SYNE3: variants seen among roughly 807,000 people sequenced by gnomAD.
The protein encoded by SYNE3 is nesprin-3.
In SYNE3, 100 loss-of-function variants were observed where a neutral mutation model predicts 111.2. That is an observed-to-expected ratio of 0.90 (90% confidence interval 0.77 to 1.06). SYNE3 has a LOEUF of 1.06. SYNE3 is among the 50% of genes least tolerant of loss of function. The pLI is 0.00. For synonymous variants in SYNE3, 547 were observed against 533.9 expected (o/e 1.02, Z -0.34); for missense variants, 1,160 against 1,240.3 (o/e 0.94, Z 0.97).
At chr14:95,508,621 C>T (rs563953483) in intron 1 of SYNE3, among the ~76,000 whole-genome samples, 11 of 152,308 alleles carry the variant, frequency 7.2e-5, no homozygotes, top group African/African-American at 2.2e-4. Flanking sequence ...AATGCAGAGA[C>T]GGTGTGGCCG....
intron 17 of SYNE3, among the ~76,000 whole-genome samples, chr14:95,426,943 C>CAAAAAAAAA (rs574423106): frequency 9.5e-6 from 1 of 104,890 alleles, no homozygotes; most frequent in African/African-American, 4.5e-5. Context: ...GACTCCATCT[C>CAAAAAAAAA]AAAAAAAAAA....
intron 4 of SYNE3, among the ~76,000 whole-genome samples, chr14:95,458,863 C>T (rs1272316654): frequency 6.6e-6 from 1 of 152,216 alleles, no homozygotes; most frequent in African/African-American, 2.4e-5. Flanking sequence ...AAAAAGGAGA[C>T]TCATTTAATA....
At chr14:95,465,311 G>A (rs530292225) in intron 4 of SYNE3, among the ~76,000 whole-genome samples, 2 of 150,400 alleles carry the variant, frequency 1.3e-5, no homozygotes, top group African/African-American at 2.5e-5. Context: ...TAAGCACTGC[G>A]AAACACTGGG....
intron 6 of SYNE3, 103 bp downstream of exon 6, chr14:95,455,274 G>T: frequency 1.1e-6 from 1 of 917,690 alleles, no homozygotes. Context: ...GAGTGAGTGT[G>T]CTCAGGGCTC....
At chr14:95,480,164 A>C (rs1889144089) in intron 1 of SYNE3, among the ~76,000 whole-genome samples, 1 of 152,234 alleles carries the variant, frequency 6.6e-6, no homozygotes, top group African/African-American at 2.4e-5. Context: ...TCTGTTTCCA[A>C]GCCCTGTCTG....
In SYNE3 at chr14:95,411,618, G is replaced by A. The variant is rs1011942845; in HGVS notation, c.*6208C>T. The stretch of plus-strand genomic sequence containing the variant: ...AATGAGATTGGGGTGAGAATTAGCT[G>A]AGTGCCCATGAGAGAGGGAATTAGG... On this transcript the variant is annotated 3_prime_UTR_variant, in exon 18 of 18. Coordinates refer to ENST00000682763, the MANE Select transcript of SYNE3 (RefSeq NM_152592.6). 6.6e-6 allele frequency: 1 copy of A among 152,282 alleles called. No homozygotes were observed. The highest frequency in any genetic ancestry group is 1.5e-5 in the Non-Finnish European group (1 of 68,100). 9.4% of individuals were successfully genotyped at this position (152,282 alleles called of 1,614,324 possible).
chr14:95,460,880 A>G (rs1226916023), intron 4 of SYNE3, among the ~76,000 whole-genome samples: 1 of 152,214 alleles, frequency 6.6e-6, no homozygotes, highest in South Asian at 2.1e-4. Context: ...GAACTCTCCC[A>G]TGGAAGTGCC....
Position 95,455,726 on chromosome 14 carries a change from T to C in SYNE3, c.790-2A>G. 1 of 1,613,754 alleles carries C rather than the reference T, an allele frequency of 6.2e-7. No homozygotes were observed. On this transcript the variant is annotated splice_acceptor_variant, in intron 5 of 17. Coordinates refer to ENST00000682763, the MANE Select transcript of SYNE3 (RefSeq NM_152592.6). LOFTEE classifies it high-confidence loss of function. ...CCTGGGAAAATCTTTGGCAATGTCC[T>C]GAAGAGGGTAGAGGGGTGAGGGAAA...
At chr14:95,497,753 A>G (rs1176140950) in intron 1 of SYNE3, among the ~76,000 whole-genome samples, 1 of 126,870 alleles carries the variant, frequency 7.9e-6, no homozygotes, top group African/African-American at 3.0e-5. Context: ...ATAAATGAGC[A>G]TGACTGCGTT....
chr14:95,432,012 CA>C, intron 17 of SYNE3, 66 bp downstream of exon 17: 2 of 1,568,360 alleles, frequency 1.3e-6, no homozygotes, highest in Non-Finnish European at 1.7e-6. Flanking sequence ...GCCCCAGTGT[CA>C]CGGGCCCACC....
rs10547044 is a variant in SYNE3, at chr14:95,499,856, CTTT to C, written c.-15+16737_-15+16739del. Among the ~76,000 whole-genome samples, 408 of 90,060 alleles carry C rather than the reference CTTT, an allele frequency of 4.5e-3. 7 individuals are homozygous for C. The highest frequency in any genetic ancestry group is 0.018 in the African/African-American group (375 of 21,272). 59.1% of individuals were successfully genotyped at this position (90,060 alleles called of 152,430 possible). A position where few individuals can be genotyped will look rare whatever the true frequency, so the allele number is the denominator to read the frequency against. On this transcript the variant is annotated intron_variant, in intron 1 of 17. Transcript: ENST00000682763. ...AATCCCCTGTATCACTAACTCTTGT[CTTT>C]TTTTTTTTTTTTTTTTTGAGATGGA...
chr14:95,486,356 C>T (rs997148438), intron 1 of SYNE3, among the ~76,000 whole-genome samples: 5 of 152,126 alleles, frequency 3.3e-5, no homozygotes, highest in African/African-American at 1.2e-4. Flanking sequence ...ACCTGTCCCC[C>T]AGGCCACCCC....
chr14:95,443,229 G>A lies in SYNE3; in HGVS notation c.1837C>T (p.Gln613Ter). Residue 613 changes from glutamine to a stop codon, truncating the protein, a stop_gained, in exon 11 of 18, where the codon CAG becomes TAG. Transcript: ENST00000682763. LOFTEE classifies it high-confidence loss of function. ...AQMEAARPLV[Q>*]ENPNHQHKMD... ...TTGTGCTGGTGGTTGGGGTTCTCCT[G>A]GACCAGAGGCCTTGCAGCCTCCATC... The A allele has an allele frequency of 1.9e-6, 3 of 1,614,196 alleles. No individual in the cohort carries two copies. Among genetic ancestry groups the A allele is most frequent in the Non-Finnish European group, 1.7e-6 (2 of 1,180,026 alleles).
At chr14:95,513,595 G>T (rs118006073) in intron 1 of SYNE3, among the ~76,000 whole-genome samples, 4 of 151,726 alleles carry the variant, frequency 2.6e-5, no homozygotes, top group African/African-American at 9.7e-5. Context: ...CTTGTCCCCC[G>T]TCCACTTCCT....
intron 5 of SYNE3, 90 bp downstream of exon 5, chr14:95,457,084 CAAA>C (rs55934257): frequency 0.089 from 106,074 of 1,198,226 alleles, 11 homozygotes; most frequent in Admixed American, 0.13. Flanking sequence ...GACTCCATCT[CAAA>C]AAAAAAAAAA....
intron 1 of SYNE3, among the ~76,000 whole-genome samples, chr14:95,478,938 A>C (rs10144560): frequency 6.6e-6 from 1 of 151,698 alleles, no homozygotes; most frequent in Non-Finnish European, 1.5e-5. Context: ...CCACCGGCAC[A>C]TGTCTGGGAA....
intron 4 of SYNE3, among the ~76,000 whole-genome samples, chr14:95,463,659 G>A (rs1887983932): frequency 6.6e-6 from 1 of 152,346 alleles, no homozygotes; most frequent in Non-Finnish European, 1.5e-5. Flanking sequence ...GGCTGGATGA[G>A]GGCCAATTGG....
In SYNE3 at chr14:95,430,825, G is replaced by GAA. The variant is rs35170615; in HGVS notation, c.2727+1252_2727+1253dup. On this transcript the variant is annotated intron_variant, in intron 17 of 17. Transcript: ENST00000682763. ...TGTGACAGGAGACTCTGTCTCAAAGGAAAAAAAAAAAAAAGCTCCATTTTA... is the reference window on the plus strand; with the variant it reads ...TGTGACAGGAGACTCTGTCTCAAAGGAAAAAAAAAAAAAAAAGCTCCATTTTA... Among the ~76,000 whole-genome samples, 584 of 143,766 alleles carry GAA rather than the reference G, an allele frequency of 4.1e-3. 4 individuals are homozygous for GAA. Among genetic ancestry groups the GAA allele is most frequent in the African/African-American group, 0.011 (438 of 38,904 alleles). The allele number at this position is 143,766 out of a possible 152,430, so 94.3% of individuals were successfully genotyped here.
chr14:95,499,856 C>CTTTTTTTGTTTTTTTTTTTTTTTTTTT (rs1890260506), intron 1 of SYNE3, among the ~76,000 whole-genome samples: 1 of 90,062 alleles, frequency 1.1e-5, no homozygotes, highest in African/African-American at 4.7e-5. Context: ...TAACTCTTGT[C>CTTTTTTTGTTTTTTTTTTTTTTTTTTT]TTTTTTTTTT....
Sources: allele counts gnomAD v4.1 joint callset (sites outside exome capture counted in the v4.1 genomes callset), GRCh38; gene constraint gnomAD v4.1.1; transcripts MANE v1.5; gene names NCBI Gene and HGNC (gene_info 2026-07-23, HGNC 2026-07-21).